The following ASMT variants were observed in gnomAD, a reference collection of about 807,000 sequenced individuals.
The protein encoded by ASMT is acetylserotonin O-methyltransferase.
In ASMT, 53 loss-of-function variants were observed where a neutral mutation model predicts 41.3. The ratio of observed to expected loss-of-function variants is 1.28; its 90% confidence interval spans 1.03 to 1.61. The LOEUF is 1.61. ASMT is among the 40% of genes most tolerant of loss of function. The pLI, the probability that ASMT is intolerant of heterozygous loss-of-function variation, is 0.00. For missense variants in ASMT, 531 were observed against 441.3 expected (o/e 1.20, Z -1.82); for synonymous variants, 231 against 184.8 (o/e 1.25, Z -2.03).
At chrX:1,617,786 T>A (rs2149459557) in intron 1 of ASMT, among the ~76,000 whole-genome samples, 1 of 151,694 alleles carries the variant, frequency 6.6e-6, no homozygotes, top group South Asian at 2.1e-4. Flanking sequence ...CAGATAATTT[T>A]GTATTTTTAG....
Position 1,615,220 on chromosome X carries a change from G to C in ASMT, c.21G>C (p.Gln7His), listed in dbSNP as rs774878203. ...ACAAGATGGGATCCTCAGAGGACCAGGCCTATCGCCTCCTTAATGACTACG... is the reference window on the plus strand; with the variant it reads ...ACAAGATGGGATCCTCAGAGGACCACGCCTATCGCCTCCTTAATGACTACG... MGSSED[Q>H]AYRLLNDYAN... Residue 7 changes from glutamine (Q) to histidine (H), a missense_variant, in exon 1 of 9, where the codon CAG becomes CAC. By Grantham distance (24) the Gln-to-His change is conservative. Transcript: ENST00000381241. 5 of 1,598,042 alleles carry C rather than the reference G, an allele frequency of 3.1e-6. No individual in the cohort carries two copies. The highest frequency in any genetic ancestry group is 4.3e-6 in the Non-Finnish European group (5 of 1,172,498).
intron 5 of ASMT, among the ~76,000 whole-genome samples, chrX:1,631,924 C>G (rs1934792990): frequency 6.6e-6 from 1 of 152,134 alleles, no homozygotes; most frequent in South Asian, 2.1e-4. Flanking sequence ...CAGTAGGTGC[C>G]TGTCATCCCA....
intron 1 of ASMT, among the ~76,000 whole-genome samples, chrX:1,621,095 C>CA (rs1297902279): frequency 1.3e-5 from 2 of 151,456 alleles, no homozygotes; most frequent in Non-Finnish European, 2.9e-5. Context: ...GACTCCGTCT[C>CA]AAAAAAAAGA....
Position 1,632,701 on chromosome X carries a change from C to T in ASMT, c.563-3C>T. On this transcript the variant is annotated splice_region_variant and splice_polypyrimidine_tract_variant and intron_variant, in intron 5 of 8. Coordinates refer to ENST00000381241, the MANE Select transcript of ASMT (RefSeq NM_001171038.2). ...TAAAAGGATGCGTTCATGTCCTTTG[C>T]AGGGACATGGATAAAGCTGGAAACC... 1 of 237,496 alleles carries T rather than the reference C, an allele frequency of 4.2e-6. No homozygotes were observed. The allele number at this position is 237,496 out of a possible 1,614,324, so 14.7% of individuals were successfully genotyped here. A position where few individuals can be genotyped will look rare whatever the true frequency, so the allele number is the denominator to read the frequency against.
chrX:1,626,748 C>A (rs1305658187), intron 3 of ASMT, among the ~76,000 whole-genome samples: 1 of 152,246 alleles, frequency 6.6e-6, no homozygotes, highest in African/African-American at 2.4e-5. Context: ...CAACAGCTGG[C>A]CAGGCGCGGT....
chrX:1,616,116 C>A (rs1233694439), intron 1 of ASMT, among the ~76,000 whole-genome samples: 4 of 151,346 alleles, frequency 2.6e-5, no homozygotes, highest in Non-Finnish European at 4.4e-5. Context: ...GCAACCTCCG[C>A]CTCCAGGGTT....
chrX:1,629,325 G>A (rs766790103), intron 4 of ASMT, among the ~76,000 whole-genome samples: 1 of 151,524 alleles, frequency 6.6e-6, no homozygotes, highest in Non-Finnish European at 1.5e-5. Context: ...AGGGAGCTGT[G>A]GGGGGGGAGG....
intron 8 of ASMT, among the ~76,000 whole-genome samples, chrX:1,641,932 T>C (rs1306288673): frequency 6.8e-6 from 1 of 148,018 alleles, no homozygotes; most frequent in Non-Finnish European, 1.5e-5. Context: ...GCACAACCTC[T>C]TTGTGTGTGA....
Position 1,635,385 on chromosome X carries a change from C to T in ASMT, c.788-1053C>T, listed in dbSNP as rs537532323. On this transcript the variant is annotated intron_variant, in intron 7 of 8. Transcript: ENST00000381241. ...ATGACAAGACTTGAGCGTTTCACAT[C>T]GCACACACATAAAGGGTCAGTCTTG... 3.9e-5 allele frequency among the ~76,000 whole-genome samples: 6 copies of T among 152,212 alleles called. No homozygotes were observed. The South Asian group carries it at 1.0e-3, about 26-fold the overall frequency.
chrX:1,625,976 G>T (rs1453216621), intron 3 of ASMT, among the ~76,000 whole-genome samples: 2 of 131,472 alleles, frequency 1.5e-5, no homozygotes, highest in Non-Finnish European at 3.2e-5. Context: ...AAAAAAAATA[G>T]GGGTGTCTGG....
intron 1 of ASMT, among the ~76,000 whole-genome samples, chrX:1,619,588 A>AATAATAATAATAATG (rs1177964970): frequency 1.4e-5 from 2 of 143,670 alleles, no homozygotes; most frequent in African/African-American, 5.4e-5. Flanking sequence ...TAATAATAAT[A>AATAATAATAATAATG]AAAAGTCTTT....
chrX:1,631,077 A>ATT (rs1329725829), intron 5 of ASMT, among the ~76,000 whole-genome samples: 1 of 89,192 alleles, frequency 1.1e-5, no homozygotes, highest in Non-Finnish European at 2.8e-5. Flanking sequence ...CGCCCAGCTA[A>ATT]TTTTTTGTTT....
intron 7 of ASMT, chrX:1,636,164 A>G (rs1264778371): frequency 9.5e-5 from 44 of 464,148 alleles, no homozygotes; most frequent in Non-Finnish European, 1.6e-4. Context: ...TCACCGTGTT[A>G]GCCAGGATGG....
intron 8 of ASMT, 67 bp downstream of exon 8, chrX:1,636,627 T>C (rs1934977142): frequency 6.2e-7 from 1 of 1,612,268 alleles, no homozygotes; most frequent in Middle Eastern, 2.0e-4. Context: ...GAGTCACATT[T>C]AGAAGGCAGG....
rs764609726 is a variant in ASMT at position 1,624,332 on chromosome X, G to A, written c.308G>A (p.Cys103Tyr). 10 of 1,613,994 alleles carry A rather than the reference G, an allele frequency of 6.2e-6. No individual in the cohort carries two copies. The South Asian group carries it at 7.7e-5, about 12-fold the overall frequency. Residue 103 changes from cysteine to tyrosine, a missense_variant, in exon 3 of 9, where the codon TGC (cysteine) becomes TAC (tyrosine). Transcript: ENST00000381241. ...YLTTVSPTSQ[C>Y]SMLKYMGRTS... ...ACCACGGTCAGCCCGACGTCACAAT[G>A]CAGCATGCTGAAGTACATGGGCAGG...
intron 4 of ASMT, chrX:1,627,976 C>A: frequency 1.6e-6 from 1 of 639,068 alleles, no homozygotes; most frequent in Non-Finnish European, 2.8e-6. Flanking sequence ...GGAGGTGCAA[C>A]GTGACCCTTC....
chrX:1,621,510 G>T (rs1934336754), intron 1 of ASMT, among the ~76,000 whole-genome samples: 1 of 151,908 alleles, frequency 6.6e-6, no homozygotes, highest in Admixed American at 6.6e-5. Context: ...TAGAGATGGG[G>T]TTTCACCATG....
rs191272193 is a variant in ASMT, at chrX:1,626,658, T to C, written c.375-1045T>C. On this transcript the variant is annotated intron_variant, in intron 3 of 8. Coordinates refer to ENST00000381241, the MANE Select transcript of ASMT (RefSeq NM_001171038.2). The stretch of plus-strand genomic sequence containing the variant: ...TTTATAGTTATAGAGCATAACTCCC[T>C]AGGCCCCTTAGATAAGAATTTGGGC... 2.4e-3 allele frequency among the ~76,000 whole-genome samples: 362 copies of C among 152,308 alleles called. 1 individual carries two copies. The highest frequency in any genetic ancestry group is 8.4e-3 in the African/African-American group (348 of 41,576).
At position 1,624,365 on chromosome X, in the gene ASMT, A is replaced by C; in HGVS notation, c.341A>C (p.Tyr114Ser). ...CTGAAGTACATGGGCAGGACCAGCT[A>C]CCGGTGCTGGGGCCACCTGGCAGAC... ...SMLKYMGRTS[Y>S]RCWGHLADAV... Residue 114 changes from tyrosine to serine, a missense_variant, in exon 3 of 9, where the codon TAC becomes TCC. Coordinates refer to ENST00000381241, the MANE Select transcript of ASMT (RefSeq NM_001171038.2). The C allele has an allele frequency of 6.2e-7, 1 of 1,613,798 alleles. No individual in the cohort carries two copies. Among genetic ancestry groups the C allele is most frequent in the Non-Finnish European group, 8.5e-7 (1 of 1,179,866 alleles).
Sources: allele counts gnomAD v4.1 joint callset (sites outside exome capture counted in the v4.1 genomes callset), GRCh38; gene constraint gnomAD v4.1.1; transcripts MANE v1.5; gene names NCBI Gene and HGNC (gene_info 2026-07-23, HGNC 2026-07-21).